Variants in LMBRD1 observed in about 807,000 individuals in gnomAD.
The protein encoded by LMBRD1 is LMBR1 domain containing 1, also known as lysosomal cobalamin transport escort protein LMBD1.
In LMBRD1, 64 loss-of-function variants were observed where a neutral mutation model predicts 74.8. That is an observed-to-expected ratio of 0.86 (90% confidence interval 0.70 to 1.05). The LOEUF (loss-of-function observed/expected upper bound fraction) is 1.05, where lower values mean the gene tolerates loss of function less well. Among genes scored for constraint, LMBRD1 ranks in the 50% least tolerant of loss-of-function variants. The probability of loss-of-function intolerance (pLI) is 0.00; values close to 1 mark genes in which losing one functional copy is unlikely to be tolerated. For missense variants in LMBRD1, 652 were observed against 645.9 expected (o/e 1.01, Z -0.10); for synonymous variants, 204 against 216.3 (o/e 0.94, Z 0.50).
chr6:69,787,810 T>C (rs1367731742), intron 2 of LMBRD1, among the ~76,000 whole-genome samples: 2 of 152,190 alleles, frequency 1.3e-5, no homozygotes, highest in South Asian at 4.1e-4. Context: ...TTAACAGATA[T>C]TTTCCCCTTC....
chr6:69,772,957 T>C (rs1765606154), intron 3 of LMBRD1, among the ~76,000 whole-genome samples: 1 of 152,188 alleles, frequency 6.6e-6, no homozygotes, highest in Non-Finnish European at 1.5e-5. Context: ...ACTAATCACA[T>C]GTCTCACACT....
At chr6:69,744,977 G>C (rs1767187494) in intron 5 of LMBRD1, among the ~76,000 whole-genome samples, 1 of 151,906 alleles carries the variant, frequency 6.6e-6, no homozygotes, top group African/African-American at 2.4e-5. Flanking sequence ...AGAGTAGCTA[G>C]GATTACAGGC....
chr6:69,753,287 G>C (rs564566091), intron 3 of LMBRD1, among the ~76,000 whole-genome samples: 1 of 152,192 alleles, frequency 6.6e-6, no homozygotes, highest in South Asian at 2.1e-4. Context: ...ACATTCATTT[G>C]TTTGTACATA....
intron 9 of LMBRD1, chr6:69,705,934 A>G (rs1766244457): frequency 4.3e-5 from 51 of 1,199,002 alleles, no homozygotes; most frequent in Non-Finnish European, 6.1e-5. Context: ...CAAAGTTGCC[A>G]GTGTTACTTT....
chr6:69,769,999 T>C (rs1434851798), intron 3 of LMBRD1, among the ~76,000 whole-genome samples: 2 of 152,178 alleles, frequency 1.3e-5, no homozygotes, highest in Non-Finnish European at 2.9e-5. Context: ...TCTGGTCTCC[T>C]ACACACGTGT....
At chr6:69,703,167 T>C (rs535735081) in intron 9 of LMBRD1, among the ~76,000 whole-genome samples, 26 of 152,132 alleles carry the variant, frequency 1.7e-4, no homozygotes, top group African/African-American at 6.3e-4. Context: ...TTGCAAAAGA[T>C]TTTGAAGTGA....
At position 69,790,375 on chromosome 6, in the gene LMBRD1, ATTG is replaced by A; in HGVS notation, c.164_166del (p.Ala55_Ile56delinsVal). 6.2e-7 allele frequency: 1 copy of A among 1,613,880 alleles called. No homozygotes were observed. On this transcript the variant is annotated inframe_deletion, in exon 2 of 16. Transcript: ENST00000649934. ...TAGAAGTGCTGATGTGATAAGTGCA[ATTG>A]CTAGAGAAAAAATTGCTGTTATGGT...
At chr6:69,789,013 T>C (rs1766022034) in intron 2 of LMBRD1, among the ~76,000 whole-genome samples, 1 of 152,190 alleles carries the variant, frequency 6.6e-6, no homozygotes, top group African/African-American at 2.4e-5. Context: ...TAAATGTAAA[T>C]CACTTAAAAT....
In LMBRD1 at chr6:69,737,963, C is replaced by T. The variant is rs1188929128; in HGVS notation, c.615G>A (p.Met205Ile). Reference sequence around the variant, plus strand: ...TTACTGTGTAAGTTATAGCTGCCAACATTCCAATCAAGGTCAGAGAACTGA... The same window carrying T: ...TTACTGTGTAAGTTATAGCTGCCAATATTCCAATCAAGGTCAGAGAACTGA... The part of the protein sequence containing the change: ...FSISSLTLIG[M>I]LAAITYTAYG... The change falls in exon 7 of 16, where the codon ATG becomes ATA. Residue 205 changes from methionine (M) to isoleucine (I), a missense_variant. By Grantham distance (10) the Met-to-Ile change is conservative. Transcript: ENST00000649934. The T allele has an allele frequency of 6.2e-7, 1 of 1,611,164 alleles. No homozygotes were observed. Among genetic ancestry groups the T allele is most frequent in the Non-Finnish European group, 8.5e-7 (1 of 1,178,210 alleles).
rs1324208265 is a variant in LMBRD1, at chr6:69,749,355, C to A, written c.459G>T (p.Leu153=). The change falls in exon 5 of 16, where the codon CTG becomes CTT. Residue 153 remains leucine, a synonymous_variant. Coordinates refer to ENST00000649934, the MANE Select transcript of LMBRD1 (RefSeq NM_018368.4). ...TCAAGACTTACCCAACTAAAAGAAG[C>A]AGTGCACAAATCACAACAAATCCCA... The part of the protein sequence containing the change: ...YTLGFVVICA[L]LLLVGAFVPL... 2 of 1,607,522 alleles carry A rather than the reference C, an allele frequency of 1.2e-6. No homozygotes were observed. Among genetic ancestry groups the A allele is most frequent in the Non-Finnish European group, 1.7e-6 (2 of 1,177,456 alleles).
At chr6:69,677,997 G>A (rs563793494) in intron 14 of LMBRD1, among the ~76,000 whole-genome samples, 1 of 152,230 alleles carries the variant, frequency 6.6e-6, no homozygotes, top group Non-Finnish European at 1.5e-5. Flanking sequence ...ACACAGTACA[G>A]TTGACCCTCA....
At chr6:69,744,999 T>C (rs1281692758) in intron 5 of LMBRD1, among the ~76,000 whole-genome samples, 2 of 151,772 alleles carry the variant, frequency 1.3e-5, no homozygotes, top group East Asian at 3.9e-4. Flanking sequence ...CGCACCACTA[T>C]GCCCAGCTAA....
In LMBRD1 at chr6:69,796,943, G is replaced by C; in HGVS notation, c.-62C>G. 7.2e-7 allele frequency: 1 copy of C among 1,396,894 alleles called. No homozygotes were observed. Among genetic ancestry groups the C allele is most frequent in the Non-Finnish European group, 1.0e-6 (1 of 995,708 alleles). 86.5% of individuals were successfully genotyped at this position (1,396,894 alleles called of 1,614,324 possible). On this transcript the variant is annotated 5_prime_UTR_variant, in exon 1 of 16. Coordinates refer to ENST00000649934, the MANE Select transcript of LMBRD1 (RefSeq NM_018368.4). ...GTGGGGAAAGGGGAGGGGGAAAGGG[G>C]AGAGAGCGCGAGATATACTGCACCC...
intron 14 of LMBRD1, among the ~76,000 whole-genome samples, chr6:69,684,515 C>G (rs879600827): frequency 1.3e-5 from 2 of 152,036 alleles, no homozygotes; most frequent in Non-Finnish European, 2.9e-5. Flanking sequence ...AATGACTTCT[C>G]ATGCAGAATT....
intron 9 of LMBRD1, chr6:69,705,820 T>C: frequency 8.1e-7 from 1 of 1,239,214 alleles, no homozygotes; most frequent in Admixed American, 1.7e-5. Flanking sequence ...TACTAAATGT[T>C]GTTCACTAAT....
In LMBRD1 at chr6:69,701,430, A is replaced by T; in HGVS notation, c.1083+13T>A. 7.0e-7 allele frequency: 1 copy of T among 1,422,030 alleles called. No homozygotes were observed. The allele number at this position is 1,422,030 out of a possible 1,614,324, so 88.1% of individuals were successfully genotyped here. A position where few individuals can be genotyped will look rare whatever the true frequency, so the allele number is the denominator to read the frequency against. ...TAGCAGCTACAGTATAAAATGATTG[A>T]TATTTTACTTACTGTTTGTAGTAAA... On this transcript the variant is annotated intron_variant, in intron 11 of 15. Coordinates refer to ENST00000649934, the MANE Select transcript of LMBRD1 (RefSeq NM_018368.4).
intron 12 of LMBRD1, among the ~76,000 whole-genome samples, chr6:69,700,415 C>T (rs1402329556): frequency 6.6e-6 from 1 of 151,782 alleles, no homozygotes; most frequent in East Asian, 1.9e-4. Flanking sequence ...GTTTCTCAAC[C>T]ATGGAACTAT....
chr6:69,781,761 T>C (rs1198057487), intron 2 of LMBRD1, among the ~76,000 whole-genome samples: 3 of 152,142 alleles, frequency 2.0e-5, no homozygotes, highest in Non-Finnish European at 2.9e-5. Flanking sequence ...ATATAACAAA[T>C]TTAATAAATG....
intron 4 of LMBRD1, 77 bp downstream of exon 4, chr6:69,752,182 A>G (rs1765171795): frequency 7.0e-7 from 1 of 1,435,502 alleles, no homozygotes; most frequent in Non-Finnish European, 9.5e-7. Flanking sequence ...GAAAAAATTC[A>G]GTCATTCATT....
Sources: gnomAD v4.1 joint callset for allele counts (sites outside exome capture counted in the v4.1 genomes callset) on GRCh38, gnomAD v4.1.1 for gene constraint, MANE v1.5 for transcripts, NCBI Gene and HGNC (gene_info 2026-07-23, HGNC 2026-07-21) for gene names.